The following HIPK2 variants were observed in gnomAD, a reference collection of about 807,000 sequenced individuals.
HIPK2 encodes homeodomain-interacting protein kinase 2.
HIPK2 carries 27 observed loss-of-function variants against 113.7 expected under a neutral mutation model. That is an observed-to-expected ratio of 0.24 (90% CI 0.17 to 0.33). The LOEUF (loss-of-function observed/expected upper bound fraction) is 0.33, where lower values mean the gene tolerates loss of function less well. Ranked by LOEUF, HIPK2 falls within the 10% of genes least tolerant of loss-of-function variation. The pLI is 1.00. For missense variants in HIPK2, 1,257 were observed against 1,588.0 expected (o/e 0.79, Z 3.54); for synonymous variants, 631 against 642.2 (o/e 0.98, Z 0.26).
intron 2 of HIPK2, among the ~76,000 whole-genome samples, chr7:139,701,967 T>C (rs1794721743): frequency 2.0e-5 from 3 of 152,002 alleles, no homozygotes; most frequent in African/African-American, 4.8e-5. Context: ...GGCTACCCAG[T>C]AGGACTTCGA....
chr7:139,573,228 T>C lies in HIPK2; in HGVS notation c.3296A>G (p.Gln1099Arg). ...CGCAGTGTAGGTGTAGAGGTGGGGC[T>C]GGGTGGGGAGGTGGGCAGCGGCAGC... ...AAAAAAHLPT[Q>R]PHLYTYTAPA... is the part of the protein sequence containing the mutation. Residue 1099 changes from glutamine to arginine, a missense_variant, in exon 15 of 15, where the codon CAG (glutamine) becomes CGG (arginine). This residue lies in a region of HIPK2 where 862 missense variants were observed against 1,004.3 expected (regional missense o/e 0.86). Coordinates refer to ENST00000406875, the MANE Select transcript of HIPK2 (RefSeq NM_022740.5). The C allele has an allele frequency of 4.6e-6, 7 of 1,513,368 alleles. No individual in the cohort carries two copies. The highest frequency in any genetic ancestry group is 6.2e-6 in the Non-Finnish European group (7 of 1,124,422). The allele number at this position is 1,513,368 out of a possible 1,614,324, so 93.7% of individuals were successfully genotyped here. A position where few individuals can be genotyped will look rare whatever the true frequency, so the allele number is the denominator to read the frequency against.
chr7:139,662,467 C>A (rs1439958867), intron 2 of HIPK2, among the ~76,000 whole-genome samples: 3 of 152,172 alleles, frequency 2.0e-5, no homozygotes, highest in Non-Finnish European at 4.4e-5. Flanking sequence ...TTATAAACCA[C>A]TTGCCAAAGA....
chr7:139,738,316 G>C (rs1795998060), intron 1 of HIPK2, among the ~76,000 whole-genome samples: 1 of 152,250 alleles, frequency 6.6e-6, no homozygotes, highest in African/African-American at 2.4e-5. Flanking sequence ...GAAGCATCGG[G>C]GGTAACGCGG....
chr7:139,729,788 C>T (rs1177540986), intron 1 of HIPK2, among the ~76,000 whole-genome samples: 1 of 152,200 alleles, frequency 6.6e-6, no homozygotes, highest in African/African-American at 2.4e-5. Flanking sequence ...TAGAAGGCTG[C>T]TTACCTTGTC....
chr7:139,634,228 C>T (rs1444252503), intron 2 of HIPK2, among the ~76,000 whole-genome samples: 2 of 152,064 alleles, frequency 1.3e-5, no homozygotes, highest in South Asian at 2.1e-4. Flanking sequence ...AAGGAGTGAC[C>T]GCTGGGGGCT....
In HIPK2 at chr7:139,562,901, A is replaced by G. The variant is rs1314514295; in HGVS notation, c.*10026T>C. On this transcript the variant is annotated 3_prime_UTR_variant, in exon 15 of 15. Coordinates refer to ENST00000406875, the MANE Select transcript of HIPK2 (RefSeq NM_022740.5). ...TCTATCTCTATACAGTGATTCTACT[A>G]AATTAGAAATTCTGCTGCCCCAAAG... The G allele has an allele frequency of 6.6e-6, 1 of 152,234 alleles. No homozygotes were observed. Among genetic ancestry groups the G allele is most frequent in the East Asian group, 1.9e-4 (1 of 5,196 alleles). The allele number at this position is 152,234 out of a possible 1,614,324, so 9.4% of individuals were successfully genotyped here. A position where few individuals can be genotyped will look rare whatever the true frequency, so the allele number is the denominator to read the frequency against.
In HIPK2 at chr7:139,664,485, C is replaced by T. The variant is rs185999341; in HGVS notation, c.1104-32760G>A. ...CTGGGAGGCAGAGTTTACAGTGAGC[C>T]GAGATCAAGCCATTGCACTCCAGCC... On this transcript the variant is annotated intron_variant, in intron 2 of 14. Coordinates refer to ENST00000406875, the MANE Select transcript of HIPK2 (RefSeq NM_022740.5). Among the ~76,000 whole-genome samples, 315 of 152,044 alleles carry T rather than the reference C, an allele frequency of 2.1e-3. 1 individual carries two copies. Among genetic ancestry groups the T allele is most frequent in the African/African-American group, 7.1e-3 (293 of 41,476 alleles).
At chr7:139,651,266 G>A (rs1801448688) in intron 2 of HIPK2, among the ~76,000 whole-genome samples, 1 of 152,166 alleles carries the variant, frequency 6.6e-6, no homozygotes, top group Non-Finnish European at 1.5e-5. Flanking sequence ...GCACCCAAAT[G>A]CAGGCAAGAC....
Position 139,592,243 on chromosome 7 carries a change from C to T in HIPK2, c.2717+4474G>A, listed in dbSNP as rs562838765. ...TTCTTAAAGTTTTCATTTTTGGTAA[C>T]GTCGGCTGAAACAGTGGCTGCTTAC... On this transcript the variant is annotated intron_variant, in intron 12 of 14. Coordinates refer to ENST00000406875, the MANE Select transcript of HIPK2 (RefSeq NM_022740.5). Among the ~76,000 whole-genome samples the T allele has an allele frequency of 4.6e-5, 7 of 152,132 alleles. No individual in the cohort carries two copies. The East Asian group carries it at 7.7e-4, about 17-fold the overall frequency.
At position 139,572,371 on chromosome 7, in the gene HIPK2, G is replaced by A. The variant is rs1277945417; in HGVS notation, c.*556C>T. On this transcript the variant is annotated 3_prime_UTR_variant, in exon 15 of 15. Transcript: ENST00000406875. Reference sequence around the variant, plus strand: ...TCTGGAGGGCTGTTGACCCTTTCGAGTTCTGGAAAAATCCCTAAATCTTAT... The same window carrying A: ...TCTGGAGGGCTGTTGACCCTTTCGAATTCTGGAAAAATCCCTAAATCTTAT... The A allele has an allele frequency of 6.6e-6, 1 of 152,210 alleles. No homozygotes were observed. Among genetic ancestry groups the A allele is most frequent in the Non-Finnish European group, 1.5e-5 (1 of 68,072 alleles). 9.4% of individuals were successfully genotyped at this position (152,210 alleles called of 1,614,324 possible).
chr7:139,723,445 C>T (rs1325122232), intron 1 of HIPK2, among the ~76,000 whole-genome samples: 1 of 152,152 alleles, frequency 6.6e-6, no homozygotes, highest in African/African-American at 2.4e-5. Context: ...CCACCTGCCT[C>T]GGCTTCCCAA....
In HIPK2 at chr7:139,609,514, A is replaced by G. The variant is rs146355610; in HGVS notation, c.2112+3688T>C. 5.3e-5 allele frequency among the ~76,000 whole-genome samples: 8 copies of G among 152,316 alleles called. No individual in the cohort carries two copies. In the South Asian group the frequency reaches 1.2e-3, roughly 24 times the overall value. ...TTTCAGTATTTAGAGAAAAAGAACA[A>G]TGTCAACTTTTTGAATACATTTATG... On this transcript the variant is annotated intron_variant, in intron 9 of 14. Coordinates refer to ENST00000406875, the MANE Select transcript of HIPK2 (RefSeq NM_022740.5).
intron 1 of HIPK2, among the ~76,000 whole-genome samples, chr7:139,752,447 G>A (rs996228567): frequency 1.3e-5 from 2 of 152,014 alleles, no homozygotes; most frequent in African/African-American, 4.8e-5. Context: ...ACTACTCAAC[G>A]TGTCTGCATG....
chr7:139,714,945 C>T lies in HIPK2; in HGVS notation c.1103+987G>A, dbSNP rs1795177487. On this transcript the variant is annotated intron_variant, in intron 2 of 14. Coordinates refer to ENST00000406875, the MANE Select transcript of HIPK2 (RefSeq NM_022740.5). The surrounding 1 kb of genome is among the most constrained non-coding windows in gnomAD (Gnocchi z 4.2). ...GCCCACGAGGCTGGTGAGAGGATTTCTCCCACTTCATGGGTTAGGAAATGA... is the reference window on the plus strand; with the variant it reads ...GCCCACGAGGCTGGTGAGAGGATTTTTCCCACTTCATGGGTTAGGAAATGA... Among the ~76,000 whole-genome samples the T allele has an allele frequency of 6.6e-6, 1 of 152,194 alleles. No individual in the cohort carries two copies. Among genetic ancestry groups the T allele is most frequent in the Non-Finnish European group, 1.5e-5 (1 of 68,034 alleles).
intron 13 of HIPK2, among the ~76,000 whole-genome samples, chr7:139,577,714 G>A (rs1365381629): frequency 6.6e-6 from 1 of 152,202 alleles, no homozygotes; most frequent in African/African-American, 2.4e-5. Context: ...TCTTCCAGGT[G>A]GAAAGACAGG....
At chr7:139,759,930 A>G (rs1796435768) in intron 1 of HIPK2, among the ~76,000 whole-genome samples, 1 of 152,116 alleles carries the variant, frequency 6.6e-6, no homozygotes, top group African/African-American at 2.4e-5. Context: ...ACTTTCCAAT[A>G]TCAAAAGAAA....
At chr7:139,600,728 G>T in intron 10 of HIPK2, 132 bp from the exon 11 acceptor site, 1 of 1,008,940 alleles carries the variant, frequency 9.9e-7, no homozygotes, top group Non-Finnish European at 1.4e-6. Context: ...AGCTGCTGAA[G>T]GGATGAGCCT....
intron 1 of HIPK2, among the ~76,000 whole-genome samples, chr7:139,754,539 GA>G (rs1263358571): frequency 6.6e-6 from 1 of 152,232 alleles, no homozygotes; most frequent in African/African-American, 2.4e-5. Flanking sequence ...TATACACATA[GA>G]AAAGCTAAGT....
chr7:139,691,318 T>A (rs1794398510), intron 2 of HIPK2, among the ~76,000 whole-genome samples: 1 of 152,220 alleles, frequency 6.6e-6, no homozygotes, highest in African/African-American at 2.4e-5. Context: ...GCTGGTAATT[T>A]AGCACTCTGA....
Sources: gnomAD v4.1 joint callset for allele counts (sites outside exome capture counted in the v4.1 genomes callset) on GRCh38, gnomAD v4.1.1 for gene constraint, gnomAD v4.1.1 regional missense constraint, Gnocchi (gnomAD v3.1) non-coding constraint, MANE v1.5 for transcripts, NCBI Gene and HGNC (gene_info 2026-07-23, HGNC 2026-07-21) for gene names.